MARCHF1: variants seen among roughly 807,000 people sequenced by gnomAD.
MARCHF1 encodes the protein membrane associated ring-CH-type finger 1.
MARCHF1 carries 40 observed loss-of-function variants against 54.2 expected under a neutral mutation model. That is an observed-to-expected ratio of 0.74 (90% CI 0.57 to 0.96). The LOEUF (loss-of-function observed/expected upper bound fraction) is 0.96, where lower values mean the gene tolerates loss of function less well. Among genes scored for constraint, MARCHF1 ranks in the 40% least tolerant of loss-of-function variants. The pLI is 0.00. For synonymous variants in MARCHF1, 236 were observed against 236.3 expected, an observed-to-expected ratio of 1.00 and a Z score of 0.01; for missense variants, 586 against 656.5, an observed-to-expected ratio of 0.89 and a Z score of 1.17.
At chr4:163,695,036 T>A (rs1030988363) in intron 5 of MARCHF1, among the ~76,000 whole-genome samples, 2 of 152,140 alleles carry the variant, frequency 1.3e-5, no homozygotes, top group Non-Finnish European at 2.9e-5. Flanking sequence ...AAACTTACCC[T>A]CTAAAGGTAT....
chr4:163,883,345 G>GT (rs1553960682), intron 3 of MARCHF1, among the ~76,000 whole-genome samples: 2 of 57,706 alleles, frequency 3.5e-5, no homozygotes, highest in Admixed American at 2.6e-4. Flanking sequence ...ACCTACGGAT[G>GT]TATTTTTTTT....
At chr4:164,264,561 C>T (rs1000996800) in intron 1 of MARCHF1, among the ~76,000 whole-genome samples, 4 of 152,046 alleles carry the variant, frequency 2.6e-5, no homozygotes, top group East Asian at 1.9e-4. Flanking sequence ...ATCTTTCATT[C>T]ATTCCTTTCA....
chr4:163,740,021 C>A (rs1016659726), intron 4 of MARCHF1, among the ~76,000 whole-genome samples: 5 of 152,054 alleles, frequency 3.3e-5, no homozygotes, highest in South Asian at 2.1e-4. Flanking sequence ...ATTTACTTAC[C>A]AATATGTAAA....
chr4:164,288,771 G>A (rs1285629959), intron 1 of MARCHF1, among the ~76,000 whole-genome samples: 3 of 152,012 alleles, frequency 2.0e-5, no homozygotes, highest in African/African-American at 7.2e-5. Flanking sequence ...ACACATGAGT[G>A]GGAGTCCTTT....
chr4:163,930,719 G>A (rs1487972373), intron 3 of MARCHF1, among the ~76,000 whole-genome samples: 2 of 152,040 alleles, frequency 1.3e-5, no homozygotes, highest in African/African-American at 2.4e-5. Flanking sequence ...GTCAAAGAGC[G>A]CTGTGACTCA....
chr4:164,052,716 T>A (rs1050058636), intron 2 of MARCHF1, among the ~76,000 whole-genome samples: 1 of 152,108 alleles, frequency 6.6e-6, no homozygotes, highest in African/African-American at 2.4e-5. Context: ...CTGATGCAAT[T>A]TGAGCTCATT....
At chr4:163,534,755 T>C (rs1013683817) in intron 9 of MARCHF1, among the ~76,000 whole-genome samples, 3 of 152,040 alleles carry the variant, frequency 2.0e-5, no homozygotes, top group African/African-American at 7.2e-5. Flanking sequence ...TAGACTTCTT[T>C]GATCTTAAGG....
chr4:163,550,127 C>T (rs1223004425), intron 8 of MARCHF1, among the ~76,000 whole-genome samples: 4 of 152,004 alleles, frequency 2.6e-5, no homozygotes, highest in South Asian at 4.1e-4. Flanking sequence ...TACTAGAATA[C>T]AAAAATTATC....
chr4:163,744,179 G>A (rs1015543401), intron 4 of MARCHF1, among the ~76,000 whole-genome samples: 3 of 152,088 alleles, frequency 2.0e-5, no homozygotes, highest in African/African-American at 4.8e-5. Flanking sequence ...CATTTATTTC[G>A]CCAAGACAAG....
intron 5 of MARCHF1, among the ~76,000 whole-genome samples, chr4:163,638,567 C>A (rs1260379019): frequency 6.6e-6 from 1 of 152,046 alleles, no homozygotes; most frequent in Admixed American, 6.6e-5. Context: ...AAGAGTCAAT[C>A]AAATTACTTT....
intron 8 of MARCHF1, among the ~76,000 whole-genome samples, chr4:163,578,500 C>T (rs570781198): frequency 1.4e-4 from 22 of 152,104 alleles, no homozygotes; most frequent in Admixed American, 2.6e-4. Context: ...AATCCTGCTC[C>T]GTATTCCCAA....
At chr4:164,219,515 T>C (rs557326072) in intron 1 of MARCHF1, among the ~76,000 whole-genome samples, 1 of 152,222 alleles carries the variant, frequency 6.6e-6, no homozygotes, top group East Asian at 1.9e-4. Context: ...TTTACATTTA[T>C]GTCAATCCAG....
intron 5 of MARCHF1, among the ~76,000 whole-genome samples, chr4:163,655,983 C>T (rs1743124116): frequency 6.6e-6 from 1 of 151,710 alleles, no homozygotes; most frequent in South Asian, 2.1e-4. Flanking sequence ...ATCCTGACAT[C>T]ACAACTGAAA....
chr4:164,164,992 T>C (rs995430697), intron 1 of MARCHF1, among the ~76,000 whole-genome samples: 4 of 151,978 alleles, frequency 2.6e-5, no homozygotes, highest in African/African-American at 9.7e-5. Context: ...TCAGCAAGAA[T>C]TGGATTCACC....
intron 1 of MARCHF1, among the ~76,000 whole-genome samples, chr4:164,196,444 A>C (rs1731261440): frequency 6.6e-6 from 1 of 152,144 alleles, no homozygotes; most frequent in African/African-American, 2.4e-5. Context: ...TTTTCCAAAA[A>C]TTTGCTTTAG....
intron 5 of MARCHF1, among the ~76,000 whole-genome samples, chr4:163,653,003 A>T (rs1264582749): frequency 6.6e-6 from 1 of 151,836 alleles, no homozygotes; most frequent in Non-Finnish European, 1.5e-5. Flanking sequence ...CAGGAAATTT[A>T]AAAAATAGAA....
chr4:164,335,586 A>G (rs79576638), intron 1 of MARCHF1, among the ~76,000 whole-genome samples: 8 of 149,116 alleles, frequency 5.4e-5, no homozygotes, highest in Admixed American at 5.3e-4. Flanking sequence ...CATCTCAAAA[A>G]AAAAAAAAAA....
chr4:164,344,276 A>ATGTTTATTACTGGAGT (rs1384461923), intron 1 of MARCHF1, among the ~76,000 whole-genome samples: 8 of 152,220 alleles, frequency 5.3e-5, no homozygotes, highest in South Asian at 2.1e-4. Flanking sequence ...ATCTGGTACT[A>ATGTTTATTACTGGAGT]TGTTTATTAC....
intron 1 of MARCHF1, among the ~76,000 whole-genome samples, chr4:164,164,937 A>C (rs1730332048): frequency 6.6e-6 from 1 of 152,028 alleles, no homozygotes; most frequent in Admixed American, 6.6e-5. Context: ...AGAGGAAAGC[A>C]TCTAGAATCA....
Sources: gnomAD v4.1 joint callset for allele counts (sites outside exome capture counted in the v4.1 genomes callset) on GRCh38, gnomAD v4.1.1 for gene constraint, MANE v1.5 for transcripts, NCBI Gene and HGNC (gene_info 2026-07-23, HGNC 2026-07-21) for gene names.